The following ADAM10 variants were observed in gnomAD, a reference collection of about 807,000 sequenced individuals.
ADAM10 encodes ADAM metallopeptidase domain 10, also known as disintegrin and metalloproteinase domain-containing protein 10.
A neutral mutation model predicts 90.1 loss-of-function variants in ADAM10; 17 were observed. That is an observed-to-expected ratio of 0.19 (90% CI 0.13 to 0.28). The LOEUF (loss-of-function observed/expected upper bound fraction) is 0.28, where lower values mean the gene tolerates loss of function less well. ADAM10 is among the 10% of genes least tolerant of loss of function. The probability of loss-of-function intolerance (pLI) is 1.00; values close to 1 mark genes in which losing one functional copy is unlikely to be tolerated. For missense variants in ADAM10, 610 were observed against 914.3 expected, an observed-to-expected ratio of 0.67 and a Z score of 4.29; for synonymous variants, 310 against 298.6, an observed-to-expected ratio of 1.04 and a Z score of -0.40.
chr15:58,667,787 G>T (rs1897111594), intron 4 of ADAM10, among the ~76,000 whole-genome samples: 1 of 151,312 alleles, frequency 6.6e-6, no homozygotes, highest in Non-Finnish European at 1.5e-5. Flanking sequence ...GAGAAGAAAT[G>T]AAAAGTTTGG....
At position 58,597,145 on chromosome 15, in the gene ADAM10, C is replaced by G; in HGVS notation, c.*402G>C. On this transcript the variant is annotated 3_prime_UTR_variant, in exon 16 of 16. Transcript: ENST00000260408. Reference sequence around the variant, plus strand: ...GTGATGTCTCCAATGTTGAGGTGGTCGAGCCTCCTAGCCTTGATTGGCAGT... The same window carrying G: ...GTGATGTCTCCAATGTTGAGGTGGTGGAGCCTCCTAGCCTTGATTGGCAGT... The G allele has an allele frequency of 2.2e-6, 1 of 447,920 alleles. No individual in the cohort carries two copies. Among genetic ancestry groups the G allele is most frequent in the Non-Finnish European group, 4.0e-6 (1 of 246,930 alleles). The allele number at this position is 447,920 out of a possible 1,614,324, so 27.7% of individuals were successfully genotyped here.
Position 58,691,676 on chromosome 15 carries a change from CTTTTTTTTTTTTTT to C in ADAM10, c.207-9376_207-9363del, listed in dbSNP as rs71116587. The C allele has an allele frequency of 1.6e-4, 37 of 231,886 alleles. 1 individual carries two copies. In the East Asian group the frequency reaches 4.1e-3, roughly 26 times the overall value. The allele number at this position is 231,886 out of a possible 1,614,324, so 14.4% of individuals were successfully genotyped here. On this transcript the variant is annotated intron_variant, in intron 2 of 15. Transcript: ENST00000260408. The stretch of plus-strand genomic sequence containing the variant: ...AGCTAAGCTCAAGCCACTTCTTCTT[CTTTTTTTTTTTTTT>C]TTTTTTTTTTTGAGACAGAGCCTTC...
At chr15:58,702,825 A>G (rs1287940759) in intron 2 of ADAM10, among the ~76,000 whole-genome samples, 5 of 152,190 alleles carry the variant, frequency 3.3e-5, no homozygotes, top group African/African-American at 4.8e-5. Flanking sequence ...TGAACAGAAG[A>G]AGGAATGAGG....
At chr15:58,599,231 T>C (rs1895044580) in intron 15 of ADAM10, among the ~76,000 whole-genome samples, 1 of 150,874 alleles carries the variant, frequency 6.6e-6, no homozygotes, top group Admixed American at 6.6e-5. Flanking sequence ...GACAACAATA[T>C]GAGAAGCACA....
At chr15:58,635,908 C>T (rs1215004796) in intron 8 of ADAM10, among the ~76,000 whole-genome samples, 1 of 152,026 alleles carries the variant, frequency 6.6e-6, no homozygotes, top group Non-Finnish European at 1.5e-5. Flanking sequence ...ATATACTATT[C>T]TGAAATATAG....
rs781468198 is a variant in ADAM10 at position 58,599,686 on chromosome 15, C to T, written c.2064G>A (p.Leu688=). The change falls in exon 15 of 16, where the codon CTG becomes CTA. Residue 688 remains leucine, a synonymous_variant. Coordinates refer to ENST00000260408, the MANE Select transcript of ADAM10 (RefSeq NM_001110.4). ...WWAVLLMGIA[L]IMLMAGFIKI... The stretch of plus-strand genomic sequence containing the variant: ...TAATAAATCCAGCCATTAGCATGAT[C>T]AGAGCAATTCCCATAAGTAATACTG... 1 of 1,612,724 alleles carries T rather than the reference C, an allele frequency of 6.2e-7. No individual in the cohort carries two copies. Among genetic ancestry groups the T allele is most frequent in the African/African-American group, 1.3e-5 (1 of 74,660 alleles).
chr15:58,683,978 T>C (rs570926529), intron 2 of ADAM10, among the ~76,000 whole-genome samples: 3 of 151,876 alleles, frequency 2.0e-5, no homozygotes, highest in African/African-American at 4.8e-5. Flanking sequence ...AAGTCCCTTA[T>C]ACAAAATGGT....
At chr15:58,614,311 GA>G (rs869173032) in intron 11 of ADAM10, among the ~76,000 whole-genome samples, 7 of 126,850 alleles carry the variant, frequency 5.5e-5, no homozygotes, top group Admixed American at 2.2e-4. Context: ...AAAAAAGAAA[GA>G]AAAAAAAAAG....
intron 14 of ADAM10, among the ~76,000 whole-genome samples, chr15:58,604,841 G>C (rs958804702): frequency 6.6e-5 from 10 of 152,048 alleles, no homozygotes; most frequent in Non-Finnish European, 1.2e-4. Context: ...TTGCCCTCCT[G>C]GGCTGTGGTG....
chr15:58,725,807 T>C (rs1304250330), intron 1 of ADAM10, among the ~76,000 whole-genome samples: 1 of 152,084 alleles, frequency 6.6e-6, no homozygotes, highest in East Asian at 1.9e-4. Flanking sequence ...AACCTAAGAT[T>C]CTATAGCCAG....
chr15:58,638,100 T>A (rs1896316701), intron 8 of ADAM10, among the ~76,000 whole-genome samples: 1 of 152,142 alleles, frequency 6.6e-6, no homozygotes, highest in South Asian at 2.1e-4. Flanking sequence ...CCTCTATTCT[T>A]CTGTGCCTGC....
intron 5 of ADAM10, among the ~76,000 whole-genome samples, chr15:58,655,717 A>AG (rs1316558058): frequency 2.2e-4 from 12 of 55,458 alleles, no homozygotes; most frequent in African/African-American, 7.0e-4. Flanking sequence ...TATAGTATAT[A>AG]TATATATATA....
At chr15:58,643,548 G>C (rs1246112959) in intron 7 of ADAM10, among the ~76,000 whole-genome samples, 1 of 152,192 alleles carries the variant, frequency 6.6e-6, no homozygotes, top group Non-Finnish European at 1.5e-5. Flanking sequence ...TTAGGAAACT[G>C]AGGGATAATT....
intron 4 of ADAM10, among the ~76,000 whole-genome samples, chr15:58,667,839 T>C (rs143042590): frequency 0.017 from 2,505 of 151,796 alleles, 27 homozygotes; most frequent in Non-Finnish European, 0.024. Context: ...CTAATTCCAG[T>C]GGATGGGAGG....
intron 11 of ADAM10, among the ~76,000 whole-genome samples, chr15:58,616,008 C>CA (rs1257134404): frequency 7.5e-5 from 11 of 146,194 alleles, no homozygotes; most frequent in African/African-American, 1.8e-4. Context: ...ACCCTGTCTC[C>CA]AAAAAAAAAC....
intron 1 of ADAM10, among the ~76,000 whole-genome samples, chr15:58,745,145 T>C (rs1318203680): frequency 1.3e-5 from 2 of 152,200 alleles, no homozygotes. Flanking sequence ...ATCGTGCCAC[T>C]GCACTCCAGC....
chr15:58,675,646 A>T (rs1278088872), intron 4 of ADAM10, among the ~76,000 whole-genome samples: 1 of 152,200 alleles, frequency 6.6e-6, no homozygotes, highest in Non-Finnish European at 1.5e-5. Flanking sequence ...TTTTAAGCTG[A>T]TAACAATATA....
intron 1 of ADAM10, among the ~76,000 whole-genome samples, chr15:58,722,720 T>G (rs371083150): frequency 6.8e-6 from 1 of 146,806 alleles, no homozygotes; most frequent in African/African-American, 2.5e-5. Flanking sequence ...GCTACAAATT[T>G]GAGAACTTTT....
intron 5 of ADAM10, among the ~76,000 whole-genome samples, chr15:58,653,577 A>C (rs1263832513): frequency 6.6e-6 from 1 of 152,164 alleles, no homozygotes; most frequent in Non-Finnish European, 1.5e-5. Flanking sequence ...CTTAGTCATG[A>C]TGAATGATCT....
Sources: gnomAD v4.1 joint callset for allele counts (sites outside exome capture counted in the v4.1 genomes callset) on GRCh38, gnomAD v4.1.1 for gene constraint, MANE v1.5 for transcripts, NCBI Gene and HGNC (gene_info 2026-07-23, HGNC 2026-07-21) for gene names.